The following MPP7 variants were observed in gnomAD, a reference collection of about 807,000 sequenced individuals.
MPP7 encodes the protein MAGUK p55 scaffold protein 7.
In MPP7, 60 loss-of-function variants were observed where a neutral mutation model predicts 76.5. That is an observed-to-expected ratio of 0.78 (90% CI 0.64 to 0.97). The LOEUF (loss-of-function observed/expected upper bound fraction) is 0.97, where lower values mean the gene tolerates loss of function less well. Ranked by LOEUF, MPP7 falls within the 50% of genes least tolerant of loss-of-function variation. MPP7 has a pLI of 0.00. For missense variants in MPP7, 641 were observed against 694.0 expected (o/e 0.92, Z 0.86); for synonymous variants, 237 against 244.5 (o/e 0.97, Z 0.29).
intron 11 of MPP7, among the ~76,000 whole-genome samples, chr10:28,114,685 G>A (rs1486368608): frequency 1.3e-5 from 2 of 152,010 alleles, no homozygotes; most frequent in African/African-American, 2.4e-5. Flanking sequence ...ACCCCCTACC[G>A]CAATCCGTCC....
chr10:28,248,822 G>A (rs918587188), intron 1 of MPP7, among the ~76,000 whole-genome samples: 11 of 152,212 alleles, frequency 7.2e-5, no homozygotes, highest in Non-Finnish European at 1.2e-4. Context: ...GCAACAGGCT[G>A]CACCATGCAG....
At chr10:28,223,300 G>A (rs952544940) in intron 2 of MPP7, among the ~76,000 whole-genome samples, 2 of 152,158 alleles carry the variant, frequency 1.3e-5, no homozygotes, top group African/African-American at 2.4e-5. Context: ...CACTGAGCTC[G>A]AATCTTCTGA....
intron 11 of MPP7, among the ~76,000 whole-genome samples, chr10:28,113,271 C>G (rs1203399194): frequency 6.6e-6 from 1 of 152,178 alleles, no homozygotes; most frequent in Non-Finnish European, 1.5e-5. Flanking sequence ...TTGCTCCCCA[C>G]ACACTGGTTG....
chr10:28,256,519 A>C (rs1316695054), intron 1 of MPP7, among the ~76,000 whole-genome samples: 1 of 152,164 alleles, frequency 6.6e-6, no homozygotes, highest in Non-Finnish European at 1.5e-5. Context: ...CAGGAAAAAA[A>C]AGTAATGACC....
intron 2 of MPP7, among the ~76,000 whole-genome samples, chr10:28,212,293 T>C (rs1209653680): frequency 6.6e-6 from 1 of 152,034 alleles, no homozygotes; most frequent in Admixed American, 6.6e-5. Context: ...TTGTGAGAAC[T>C]ACACAAGTTC....
At chr10:28,151,872 C>G (rs773810783) in intron 3 of MPP7, among the ~76,000 whole-genome samples, 5 of 152,184 alleles carry the variant, frequency 3.3e-5, no homozygotes, top group Admixed American at 6.5e-5. Context: ...CGATCCTTGG[C>G]TGCCTAATGA....
intron 12 of MPP7, 124 bp downstream of exon 12, chr10:28,089,547 A>G: frequency 1.2e-6 from 1 of 821,668 alleles, no homozygotes; most frequent in South Asian, 2.3e-5. Flanking sequence ...TTCAGAGACA[A>G]GACAAAAGGT....
At chr10:28,065,529 A>C (rs1248626784) in intron 13 of MPP7, among the ~76,000 whole-genome samples, 2 of 152,178 alleles carry the variant, frequency 1.3e-5, no homozygotes, top group African/African-American at 4.8e-5. Context: ...ATTCCAAGGG[A>C]AAGATGTGCA....
intron 3 of MPP7, among the ~76,000 whole-genome samples, chr10:28,152,030 G>A (rs1208790622): frequency 6.6e-6 from 1 of 152,102 alleles, no homozygotes; most frequent in Admixed American, 6.5e-5. Context: ...TTCATCCCTT[G>A]TGTTTTCTTT....
chr10:28,221,744 T>C (rs1190440321), intron 2 of MPP7, among the ~76,000 whole-genome samples: 1 of 152,232 alleles, frequency 6.6e-6, no homozygotes, highest in Non-Finnish European at 1.5e-5. Context: ...TTAGGTAGTC[T>C]GTGCCTTATC....
chr10:28,213,765 C>A (rs1277490195), intron 2 of MPP7, among the ~76,000 whole-genome samples: 1 of 142,668 alleles, frequency 7.0e-6, no homozygotes, highest in Non-Finnish European at 1.5e-5. Flanking sequence ...GCACTCCAAC[C>A]TGGGCAACAG....
intron 3 of MPP7, among the ~76,000 whole-genome samples, chr10:28,164,372 G>A (rs896446166): frequency 1.3e-5 from 2 of 152,010 alleles, no homozygotes; most frequent in African/African-American, 4.8e-5. Flanking sequence ...TTCCAGAACT[G>A]AAATAGCACC....
At chr10:28,217,537 A>AAAG (rs1838352579) in intron 2 of MPP7, among the ~76,000 whole-genome samples, 2 of 138,174 alleles carry the variant, frequency 1.4e-5, no homozygotes, top group Non-Finnish European at 1.5e-5. Context: ...AAAAAAAAAA[A>AAAG]AAAAGAAAAG....
At chr10:28,119,549 G>A (rs1463078332) in intron 11 of MPP7, 102 bp downstream of exon 11, 8 of 820,784 alleles carry the variant, frequency 9.7e-6, no homozygotes, top group African/African-American at 3.5e-5. Flanking sequence ...CAAAGTTATT[G>A]CTAGGGTAAT....
intron 13 of MPP7, among the ~76,000 whole-genome samples, chr10:28,061,794 G>A (rs1851797002): frequency 6.6e-6 from 1 of 151,762 alleles, no homozygotes; most frequent in South Asian, 2.1e-4. Context: ...AAAGCAGCTA[G>A]GAAAAAACAC....
intron 3 of MPP7, among the ~76,000 whole-genome samples, chr10:28,167,934 C>G (rs1836540123): frequency 6.6e-6 from 1 of 152,110 alleles, no homozygotes; most frequent in African/African-American, 2.4e-5. Context: ...CTCATGCTTA[C>G]TGGTTAGGTT....
intron 5 of MPP7, among the ~76,000 whole-genome samples, chr10:28,138,228 A>G (rs1835408619): frequency 6.6e-6 from 1 of 152,220 alleles, no homozygotes; most frequent in African/African-American, 2.4e-5. Flanking sequence ...TGACTCATAC[A>G]GTTTAATTTG....
In MPP7 at chr10:28,102,594, C is replaced by A. The variant is rs138888984; in HGVS notation, c.953-12753G>T. On this transcript the variant is annotated intron_variant, in intron 11 of 16. Transcript: ENST00000683449. ...CAACTCAATACGCCTCAAATGGAAT[C>A]CCTGAACTTTTCCTCAGCCCAACCT... Among the ~76,000 whole-genome samples the A allele has an allele frequency of 4.4e-3, 663 of 152,250 alleles. 7 individuals carry two copies. The highest frequency in any genetic ancestry group is 6.8e-3 in the Non-Finnish European group (463 of 68,016).
At chr10:28,247,892 C>T (rs1288075850) in intron 1 of MPP7, among the ~76,000 whole-genome samples, 1 of 152,134 alleles carries the variant, frequency 6.6e-6, no homozygotes, top group African/African-American at 2.4e-5. Context: ...TCTTCAATAA[C>T]CTCAATTTTT....
Sources: gnomAD v4.1 joint callset for allele counts (sites outside exome capture counted in the v4.1 genomes callset) on GRCh38, gnomAD v4.1.1 for gene constraint, MANE v1.5 for transcripts, NCBI Gene and HGNC (gene_info 2026-07-23, HGNC 2026-07-21) for gene names.